Variants in STPG2 observed in about 807,000 individuals in gnomAD.
The protein encoded by STPG2 is sperm tail PG-rich repeat containing 2.
A neutral mutation model predicts 54.2 loss-of-function variants in STPG2; 56 were observed. The observed-to-expected ratio is 1.03, with a 90% CI of 0.83 to 1.29. The LOEUF is 1.29. STPG2 is among the 50% of genes most tolerant of loss of function. The probability of loss-of-function intolerance (pLI) is 0.00; values close to 1 mark genes in which losing one functional copy is unlikely to be tolerated. For synonymous variants in STPG2, 200 were observed against 181.8 expected, an observed-to-expected ratio of 1.10 and a Z score of -0.81; for missense variants, 596 against 544.9, an observed-to-expected ratio of 1.09 and a Z score of -0.93.
At chr4:97,698,196 A>T (rs1723647485) in intron 10 of STPG2, among the ~76,000 whole-genome samples, 1 of 151,842 alleles carries the variant, frequency 6.6e-6, no homozygotes, top group Admixed American at 6.6e-5. Flanking sequence ...TCAAACCTTC[A>T]TTCCTGAAGG....
chr4:97,835,836 G>T (rs142695504), intron 9 of STPG2, among the ~76,000 whole-genome samples: 2 of 152,192 alleles, frequency 1.3e-5, no homozygotes, highest in East Asian at 3.9e-4. Context: ...CTCATGAATT[G>T]AGGGGTTCAA....
At chr4:97,922,634 C>T (rs905462475) in intron 8 of STPG2, among the ~76,000 whole-genome samples, 1 of 152,194 alleles carries the variant, frequency 6.6e-6, no homozygotes, top group South Asian at 2.1e-4. Context: ...TGTCTCTCAG[C>T]TCCAAACCTA....
intron 4 of STPG2, among the ~76,000 whole-genome samples, chr4:97,452,861 T>G (rs1190673356): frequency 6.6e-6 from 1 of 152,184 alleles, no homozygotes; most frequent in Non-Finnish European, 1.5e-5. Flanking sequence ...ACGCCCTGAC[T>G]GTGGAAAGGA....
Position 98,030,764 on chromosome 4 carries a change from T to C in STPG2, c.613-49446A>G, listed in dbSNP as rs147502486. On this transcript the variant is annotated intron_variant, in intron 5 of 10. Transcript: ENST00000295268. ...ACAACTATCTGATCTTCAACAATCTTGACAAAAACAAGCAATGGGGAAAGG... is the reference window on the plus strand; with the variant it reads ...ACAACTATCTGATCTTCAACAATCTCGACAAAAACAAGCAATGGGGAAAGG... 1.5e-3 allele frequency among the ~76,000 whole-genome samples: 231 copies of C among 152,032 alleles called. 1 individual carries two copies. The highest frequency in any genetic ancestry group is 5.4e-3 in the African/African-American group (223 of 41,456).
downstream of STPG2, among the ~76,000 whole-genome samples, chr4:97,554,990 C>A (rs1050560662): frequency 1.1e-4 from 16 of 152,066 alleles, no homozygotes; most frequent in Admixed American, 3.9e-4. Context: ...AAAAGTCACC[C>A]TTTTACAAGT....
intron 5 of STPG2, among the ~76,000 whole-genome samples, chr4:98,081,954 A>G (rs1162398214): frequency 1.3e-5 from 2 of 152,250 alleles, no homozygotes; most frequent in African/African-American, 2.4e-5. Flanking sequence ...GTTTAAGTGC[A>G]GTAAATACTA....
At chr4:97,629,041 C>A (rs879333242) in intron 10 of STPG2, among the ~76,000 whole-genome samples, 1 of 151,898 alleles carries the variant, frequency 6.6e-6, no homozygotes, top group Non-Finnish European at 1.5e-5. Context: ...TTTGATTTCC[C>A]ATATTCATTT....
At chr4:97,566,425 C>A (rs935259094) in intron 10 of STPG2, among the ~76,000 whole-genome samples, 1 of 152,194 alleles carries the variant, frequency 6.6e-6, no homozygotes, top group Non-Finnish European at 1.5e-5. Context: ...TCGGCTAGCA[C>A]ATGGCGTGCT....
chr4:97,796,608 G>A (rs1416617947), intron 9 of STPG2, among the ~76,000 whole-genome samples: 1 of 152,182 alleles, frequency 6.6e-6, no homozygotes, highest in Admixed American at 6.5e-5. Context: ...CTGTAGCCTT[G>A]TAGTATAGTT....
chr4:97,902,538 G>A (rs982638992), intron 8 of STPG2, among the ~76,000 whole-genome samples: 28 of 152,048 alleles, frequency 1.8e-4, no homozygotes, highest in African/African-American at 6.8e-4. Flanking sequence ...ATAGATATAT[G>A]AACTAATGCT....
At chr4:97,652,091 C>G (rs1205328163) in intron 10 of STPG2, among the ~76,000 whole-genome samples, 1 of 151,736 alleles carries the variant, frequency 6.6e-6, no homozygotes, top group Non-Finnish European at 1.5e-5. Context: ...ATACTAGTAT[C>G]AAAAATTTGC....
intron 5 of STPG2, among the ~76,000 whole-genome samples, chr4:98,024,496 C>G (rs1422842908): frequency 8.5e-5 from 13 of 152,174 alleles, no homozygotes; most frequent in African/African-American, 2.7e-4. Flanking sequence ...CACCATTTCT[C>G]CCATTGCTTG....
intron 10 of STPG2, among the ~76,000 whole-genome samples, chr4:97,608,409 C>T (rs1327987428): frequency 2.0e-5 from 3 of 151,974 alleles, no homozygotes; most frequent in African/African-American, 7.2e-5. Context: ...GTGAGCTGAG[C>T]CCGTGTGAAG....
chr4:97,886,794 G>A (rs1017517952), intron 8 of STPG2, among the ~76,000 whole-genome samples: 13 of 152,182 alleles, frequency 8.5e-5, no homozygotes, highest in African/African-American at 1.9e-4. Flanking sequence ...AGTATTGGAC[G>A]TGGGGTCTGG....
In STPG2 at chr4:97,630,312, C is replaced by A. The variant is rs186637894; in HGVS notation, c.1321-71195G>T. Among the ~76,000 whole-genome samples, 625 of 151,786 alleles carry A rather than the reference C, an allele frequency of 4.1e-3. 3 individuals carry two copies. The highest frequency in any genetic ancestry group is 0.02 in the South Asian group (97 of 4,818). On this transcript the variant is annotated intron_variant, in intron 10 of 10. Transcript: ENST00000295268. ...AACAATTGTGGTTATTTTTAATATA[C>A]TTTTTGTTTTAAAAGTATACTTGAA... is the stretch of plus-strand genomic sequence containing the variant.
chr4:97,937,390 A>G (rs1242434114), intron 8 of STPG2, among the ~76,000 whole-genome samples: 7 of 152,000 alleles, frequency 4.6e-5, no homozygotes, highest in Admixed American at 4.6e-4. Flanking sequence ...TAATTCATCT[A>G]TCTCATCCTC....
chr4:97,754,927 T>C (rs1725685131), intron 9 of STPG2, among the ~76,000 whole-genome samples: 1 of 152,082 alleles, frequency 6.6e-6, no homozygotes, highest in Non-Finnish European at 1.5e-5. Flanking sequence ...ACCACAACCA[T>C]GACACAGAAA....
intron 3 of STPG2, 52 bp downstream of exon 3, chr4:98,128,376 T>C: frequency 1.4e-6 from 2 of 1,451,238 alleles, no homozygotes; most frequent in African/African-American, 2.9e-5. Context: ...GAAACCCATA[T>C]GTAAATCATA....
In STPG2 at chr4:97,565,021, C is replaced by A. The variant is rs137967697; in HGVS notation, c.1321-5904G>T. Among the ~76,000 whole-genome samples the A allele has an allele frequency of 4.2e-3, 632 of 152,284 alleles. 9 individuals are homozygous for A. Among genetic ancestry groups the A allele is most frequent in the South Asian group, 2.3e-3 (11 of 4,830 alleles). On this transcript the variant is annotated intron_variant, in intron 10 of 10. Coordinates refer to ENST00000295268, the MANE Select transcript of STPG2 (RefSeq NM_174952.3). ...GGAAGTTCTCCTGGATAATATCCTG[C>A]AGAGTGTTTTCCAACTTAGTTCCAT...
Sources: gnomAD v4.1 joint callset for allele counts (sites outside exome capture counted in the v4.1 genomes callset) on GRCh38, gnomAD v4.1.1 for gene constraint, MANE v1.5 for transcripts, NCBI Gene and HGNC (gene_info 2026-07-23, HGNC 2026-07-21) for gene names.